Variants in SMURF2 observed in about 807,000 individuals in gnomAD.
SMURF2 encodes E3 ubiquitin-protein ligase SMURF2.
In SMURF2, 48 loss-of-function variants were observed where a neutral mutation model predicts 109.6. That is an observed-to-expected ratio of 0.44 (90% CI 0.35 to 0.56). SMURF2 has a LOEUF of 0.56. Among genes scored for constraint, SMURF2 ranks in the 20% least tolerant of loss-of-function variants. SMURF2 has a pLI of 0.01. For missense variants in SMURF2, 575 were observed against 909.0 expected, an observed-to-expected ratio of 0.63 and a Z score of 4.72; for synonymous variants, 288 against 317.1, an observed-to-expected ratio of 0.91 and a Z score of 0.97.
intron 1 of SMURF2, among the ~76,000 whole-genome samples, chr17:64,656,913 TAA>T (rs1249581137): frequency 1.3e-5 from 2 of 151,758 alleles, no homozygotes; most frequent in Non-Finnish European, 2.9e-5. Flanking sequence ...CCCCCCACCT[TAA>T]AAAAAATGAA....
intron 10 of SMURF2, among the ~76,000 whole-genome samples, chr17:64,569,088 T>C (rs913145324): frequency 6.6e-6 from 1 of 151,400 alleles, no homozygotes; most frequent in East Asian, 1.9e-4. Context: ...ACCTGAGGTG[T>C]CAAGAGCTCG....
chr17:64,593,433 T>A lies in SMURF2; in HGVS notation c.334+7A>T. On this transcript the variant is annotated splice_region_variant and intron_variant, in intron 4 of 18. Coordinates refer to ENST00000262435, the MANE Select transcript of SMURF2 (RefSeq NM_022739.4). The stretch of plus-strand genomic sequence containing the variant: ...TTTTAATTGGAAAAGCACTCGTATC[T>A]ACTCACAACCAGTGTCTTTGAGGCG... The A allele has an allele frequency of 6.2e-7, 1 of 1,602,492 alleles. No homozygotes were observed.
intron 3 of SMURF2, among the ~76,000 whole-genome samples, chr17:64,598,112 T>G (rs1969843486): frequency 6.6e-6 from 1 of 152,192 alleles, no homozygotes; most frequent in African/African-American, 2.4e-5. Flanking sequence ...AGTGGTGAAT[T>G]AATACCTTTA....
chr17:64,628,758 G>A (rs1028292804), intron 1 of SMURF2, among the ~76,000 whole-genome samples: 9 of 152,154 alleles, frequency 5.9e-5, no homozygotes, highest in Admixed American at 1.3e-4. Context: ...CTCTTTCTCC[G>A]TGACTTCCTG....
chr17:64,603,136 C>G (rs1555688734), intron 2 of SMURF2, among the ~76,000 whole-genome samples: 1 of 150,400 alleles, frequency 6.6e-6, no homozygotes, highest in Non-Finnish European at 1.5e-5. Context: ...AAAACATACA[C>G]AACATTTAGC....
At chr17:64,569,686 C>T (rs1266533186) in intron 10 of SMURF2, among the ~76,000 whole-genome samples, 2 of 152,194 alleles carry the variant, frequency 1.3e-5, no homozygotes, top group East Asian at 3.8e-4. Context: ...TGAAGTCCAA[C>T]AACAGCAAGT....
chr17:64,596,585 C>CAAAAAAA (rs201858792), intron 3 of SMURF2, among the ~76,000 whole-genome samples: 14 of 45,460 alleles, frequency 3.1e-4, no homozygotes, highest in African/African-American at 5.0e-4. Context: ...GGAGAGTAAA[C>CAAAAAAA]AAAAAAAAAA....
At chr17:64,641,437 T>A (rs1970492091) in intron 1 of SMURF2, among the ~76,000 whole-genome samples, 1 of 152,198 alleles carries the variant, frequency 6.6e-6, no homozygotes. Flanking sequence ...CTTTGAAACT[T>A]CTTCTATCAA....
At chr17:64,561,226 G>A (rs1180196007) in intron 12 of SMURF2, among the ~76,000 whole-genome samples, 2 of 152,162 alleles carry the variant, frequency 1.3e-5, no homozygotes, top group African/African-American at 4.8e-5. Flanking sequence ...ATGTAAAGCA[G>A]AGGCAATAAT....
chr17:64,598,130 G>GA (rs1452087836), intron 3 of SMURF2, among the ~76,000 whole-genome samples: 1 of 152,022 alleles, frequency 6.6e-6, no homozygotes, highest in African/African-American at 2.4e-5. Context: ...TTATTTAATT[G>GA]AAAAAAGAGG....
intron 3 of SMURF2, among the ~76,000 whole-genome samples, chr17:64,597,128 G>C (rs1425728251): frequency 1.3e-5 from 2 of 152,172 alleles, no homozygotes; most frequent in Admixed American, 1.3e-4. Context: ...CCACTGGGCT[G>C]GGCATCACAG....
chr17:64,586,631 G>T (rs1435005000), intron 5 of SMURF2, among the ~76,000 whole-genome samples: 1 of 151,378 alleles, frequency 6.6e-6, no homozygotes, highest in Non-Finnish European at 1.5e-5. Flanking sequence ...GGCACCTGTA[G>T]TCCCAGCTTC....
intron 1 of SMURF2, among the ~76,000 whole-genome samples, chr17:64,648,058 TAAAAAAAAAAAAAAAAAAA>T (rs56131846): frequency 1.7e-4 from 3 of 17,686 alleles, no homozygotes; most frequent in Admixed American, 2.7e-3. Flanking sequence ...CCCTATCTCT[TAAAAAAAAAAAAAAAAAAA>T]AAAAAAAAAA....
rs541009938 is a variant in SMURF2, at chr17:64,545,740, G to C, written c.*108C>G. 11,623 of 374,204 alleles carry C rather than the reference G, an allele frequency of 0.031. 703 individuals carry two copies. Among genetic ancestry groups the C allele is most frequent in the African/African-American group, 0.082 (3,894 of 47,326 alleles). 23.2% of individuals were successfully genotyped at this position (374,204 alleles called of 1,614,324 possible). On this transcript the variant is annotated 3_prime_UTR_variant, in exon 19 of 19. Coordinates refer to ENST00000262435, the MANE Select transcript of SMURF2 (RefSeq NM_022739.4). ...GTAAAAAAAAAAAAAAAAAGGGGGGGGGGGGGAGTGTTTTCCTGTATTTCA... is the reference window on the plus strand; with the variant it reads ...GTAAAAAAAAAAAAAAAAAGGGGGGCGGGGGGAGTGTTTTCCTGTATTTCA...
intron 10 of SMURF2, among the ~76,000 whole-genome samples, chr17:64,566,575 T>TTTTTTTTTTTTTTTTTTG (rs1568176838): frequency 1.9e-5 from 2 of 103,264 alleles, no homozygotes; most frequent in Non-Finnish European, 4.1e-5. Context: ...TTTTTTTTTT[T>TTTTTTTTTTTTTTTTTTG]TTTTTTTTTT....
intron 1 of SMURF2, among the ~76,000 whole-genome samples, chr17:64,634,779 G>A (rs782408072): frequency 2.8e-4 from 43 of 152,150 alleles, no homozygotes; most frequent in Non-Finnish European, 4.9e-4. Flanking sequence ...AGAAGACACA[G>A]TCCTTGAATG....
At chr17:64,599,463 C>T (rs1458809875) in intron 2 of SMURF2, among the ~76,000 whole-genome samples, 13 of 152,184 alleles carry the variant, frequency 8.5e-5, no homozygotes, top group African/African-American at 3.1e-4. Flanking sequence ...GGAGGGAACT[C>T]ATCTGGGCTT....
Position 64,560,966 on chromosome 17 carries a change from CAAAAAAA to C in SMURF2, c.1316+527_1316+533del, listed in dbSNP as rs782010996. The C allele has an allele frequency of 1.3e-4, 8 of 59,622 alleles. No individual in the cohort carries two copies. In the East Asian group the frequency reaches 1.7e-3, roughly 13 times the overall value. 3.7% of individuals were successfully genotyped at this position (59,622 alleles called of 1,614,324 possible). ...GGGTGACAGAGGGAGACCCTGTCTC[CAAAAAAA>C]AAAAAAAAAAAAAAAAGAAAGAAAA... On this transcript the variant is annotated intron_variant, in intron 12 of 18. Transcript: ENST00000262435.
Position 64,654,372 on chromosome 17 carries a change from A to G in SMURF2, c.52+7457T>C, listed in dbSNP as rs116339902. On this transcript the variant is annotated intron_variant, in intron 1 of 18. Transcript: ENST00000262435. ...GCTATTCTAAAACAGAGTTGGTCTGAAACTATTCTTGTTCAGAAGACTGCT... is the reference window on the plus strand; with the variant it reads ...GCTATTCTAAAACAGAGTTGGTCTGGAACTATTCTTGTTCAGAAGACTGCT... Among the ~76,000 whole-genome samples, 1,395 of 152,312 alleles carry G rather than the reference A, an allele frequency of 9.2e-3. 16 individuals carry two copies. Among genetic ancestry groups the G allele is most frequent in the African/African-American group, 0.032 (1,339 of 41,572 alleles).
Sources: allele counts gnomAD v4.1 joint callset (sites outside exome capture counted in the v4.1 genomes callset), GRCh38; gene constraint gnomAD v4.1.1; transcripts MANE v1.5; gene names NCBI Gene and HGNC (gene_info 2026-07-23, HGNC 2026-07-21).